The following ABLIM2 variants were observed in gnomAD, a reference collection of about 807,000 sequenced individuals.
ABLIM2 encodes actin binding LIM protein family member 2.
A neutral mutation model predicts 97.7 loss-of-function variants in ABLIM2; 53 were observed. The ratio of observed to expected loss-of-function variants is 0.54; its 90% CI spans 0.44 to 0.68. The LOEUF is 0.68. Ranked by LOEUF, ABLIM2 falls within the 30% of genes least tolerant of loss-of-function variation. The pLI, the probability that ABLIM2 is intolerant of heterozygous loss-of-function variation, is 0.00. For synonymous variants in ABLIM2, 361 were observed against 345.8 expected, an observed-to-expected ratio of 1.04 and a Z score of -0.49; for missense variants, 835 against 867.2, an observed-to-expected ratio of 0.96 and a Z score of 0.47.
chr4:8,017,054 T>C (rs2150763137), intron 14 of ABLIM2, among the ~76,000 whole-genome samples: 1 of 152,326 alleles, frequency 6.6e-6, no homozygotes, highest in East Asian at 1.9e-4. Context: ...TTTAATACCA[T>C]GAGTGACCCT....
chr4:8,114,278 C>A (rs1222077505), intron 1 of ABLIM2, among the ~76,000 whole-genome samples: 6 of 152,192 alleles, frequency 3.9e-5, no homozygotes, highest in Admixed American at 2.0e-4. Context: ...ACCATGGGGC[C>A]ACACACACCC....
intron 1 of ABLIM2, among the ~76,000 whole-genome samples, chr4:8,157,228 C>T (rs1715656525): frequency 6.6e-6 from 1 of 152,022 alleles, no homozygotes; most frequent in Admixed American, 6.5e-5. Flanking sequence ...AGGAGAGATG[C>T]CAGCACTGCT....
At chr4:8,052,893 G>A (rs903515898) in intron 8 of ABLIM2, among the ~76,000 whole-genome samples, 1 of 152,222 alleles carries the variant, frequency 6.6e-6, no homozygotes, top group African/African-American at 2.4e-5. Flanking sequence ...TGGTGGAATG[G>A]ATGAGGTCTA....
intron 1 of ABLIM2, among the ~76,000 whole-genome samples, chr4:8,142,099 C>A (rs1358806099): frequency 6.6e-6 from 1 of 152,222 alleles, no homozygotes; most frequent in Non-Finnish European, 1.5e-5. Flanking sequence ...TGTCCTGAGT[C>A]AGGTGGCACC....
chr4:8,116,391 A>G (rs937989267), intron 1 of ABLIM2, among the ~76,000 whole-genome samples: 12 of 151,870 alleles, frequency 7.9e-5, no homozygotes, highest in African/African-American at 4.8e-5. Context: ...AAGGCTGGCC[A>G]CCTCCTCCTC....
At chr4:8,144,038 C>T (rs1851417997) in intron 1 of ABLIM2, among the ~76,000 whole-genome samples, 1 of 152,184 alleles carries the variant, frequency 6.6e-6, no homozygotes, top group African/African-American at 2.4e-5. Flanking sequence ...TTGGGGACTT[C>T]CCAGGTCAAT....
chr4:8,061,085 T>C lies in ABLIM2; in HGVS notation c.676-31A>G. The C allele has an allele frequency of 6.4e-7, 1 of 1,557,154 alleles. No homozygotes were observed. The highest frequency in any genetic ancestry group is 8.7e-7 in the Non-Finnish European group (1 of 1,149,018). On this transcript the variant is annotated intron_variant, in intron 6 of 20. Transcript: ENST00000447017. This position sits in a 1 kb window ranked among gnomAD's most constrained non-coding sequence, Gnocchi z 4.5. Reference sequence around the variant, plus strand: ...AGAAAAGCACAAAGCAGAATGTTTCTACTAAAGCCAGAAAGGTCGGCTGGG... The same window carrying C: ...AGAAAAGCACAAAGCAGAATGTTTCCACTAAAGCCAGAAAGGTCGGCTGGG...
At chr4:7,985,581 C>G (rs1743216763) in intron 17 of ABLIM2, among the ~76,000 whole-genome samples, 1 of 152,172 alleles carries the variant, frequency 6.6e-6, no homozygotes, top group Non-Finnish European at 1.5e-5. Flanking sequence ...CCCTGGAAAC[C>G]GTGGTACTCA....
chr4:8,034,587 T>G (rs1047459427), intron 10 of ABLIM2, among the ~76,000 whole-genome samples: 3 of 7,902 alleles, frequency 3.8e-4, no homozygotes, highest in African/African-American at 6.1e-4. Flanking sequence ...TGGGTGGGTG[T>G]GTGGTAGGTG....
At chr4:8,014,924 C>CTT (rs72140876) in intron 14 of ABLIM2, among the ~76,000 whole-genome samples, 1 of 141,268 alleles carries the variant, frequency 7.1e-6, no homozygotes, top group Non-Finnish European at 1.5e-5. Context: ...TCCTTTCTTT[C>CTT]TTTTTTTTTT....
intron 14 of ABLIM2, among the ~76,000 whole-genome samples, chr4:8,018,503 G>C (rs565046761): frequency 6.6e-6 from 1 of 152,330 alleles, no homozygotes; most frequent in South Asian, 2.1e-4. Context: ...TGGTGGAAAG[G>C]CAATGGTAGA....
chr4:8,046,131 C>T lies in ABLIM2; in HGVS notation c.823-890G>A, dbSNP rs1182312835. On this transcript the variant is annotated intron_variant, in intron 8 of 20. Coordinates refer to ENST00000447017, the MANE Select transcript of ABLIM2 (RefSeq NM_001130083.2). This position sits in a 1 kb window ranked among gnomAD's most constrained non-coding sequence, Gnocchi z 4.4. ...TGCTGTCACGCCTGGGACCTGTGTCCTCCTTACATGCTCGCTGCTGTCTGG... is the reference window on the plus strand; with the variant it reads ...TGCTGTCACGCCTGGGACCTGTGTCTTCCTTACATGCTCGCTGCTGTCTGG... Among the ~76,000 whole-genome samples the T allele has an allele frequency of 1.3e-5, 2 of 152,152 alleles. No homozygotes were observed. Among genetic ancestry groups the T allele is most frequent in the African/African-American group, 2.4e-5 (1 of 41,434 alleles).
chr4:8,065,037 G>T (rs1806113983), intron 6 of ABLIM2, among the ~76,000 whole-genome samples: 1 of 152,138 alleles, frequency 6.6e-6, no homozygotes, highest in South Asian at 2.1e-4. Flanking sequence ...ATCACTTGAG[G>T]CCAGGAGTTC....
intron 14 of ABLIM2, among the ~76,000 whole-genome samples, chr4:8,017,372 C>T (rs761409646): frequency 6.0e-4 from 91 of 151,966 alleles, no homozygotes; most frequent in Non-Finnish European, 4.3e-4. Flanking sequence ...CTGCAACTTC[C>T]GCCTCCTGGG....
rs1241099627 is a variant in ABLIM2, at chr4:8,044,843, A to G, written c.900+321T>C. ...CCCGCCTGGGTGTCTGGCAAGCCCC[A>G]ACTGTCGGCTGTTGATGTGACGTGT... On this transcript the variant is annotated intron_variant, in intron 9 of 20. Coordinates refer to ENST00000447017, the MANE Select transcript of ABLIM2 (RefSeq NM_001130083.2). This position sits in a 1 kb window ranked among gnomAD's most constrained non-coding sequence, Gnocchi z 4.4. 6.6e-6 allele frequency among the ~76,000 whole-genome samples: 1 copy of G among 152,180 alleles called. No individual in the cohort carries two copies. Among genetic ancestry groups the G allele is most frequent in the African/African-American group, 2.4e-5 (1 of 41,442 alleles).
chr4:8,069,488 G>A lies in ABLIM2; in HGVS notation c.675+8140C>T, dbSNP rs929698026. Among the ~76,000 whole-genome samples, 1 of 152,226 alleles carries A rather than the reference G, an allele frequency of 6.6e-6. No homozygotes were observed. Among genetic ancestry groups the A allele is most frequent in the South Asian group, 2.1e-4 (1 of 4,830 alleles). ...ACGACAGGCCAGCGTGGAAGGGTAGGACCAGGGGCTCTGATGCGCTGCCGG... is the reference window on the plus strand; with the variant it reads ...ACGACAGGCCAGCGTGGAAGGGTAGAACCAGGGGCTCTGATGCGCTGCCGG... On this transcript the variant is annotated intron_variant, in intron 6 of 20. Coordinates refer to ENST00000447017, the MANE Select transcript of ABLIM2 (RefSeq NM_001130083.2). The surrounding 1 kb of genome is among the most constrained non-coding windows in gnomAD (Gnocchi z 4.2).
At chr4:8,055,896 C>T (rs531646297) in intron 7 of ABLIM2, among the ~76,000 whole-genome samples, 5 of 152,074 alleles carry the variant, frequency 3.3e-5, no homozygotes, top group East Asian at 1.9e-4. Context: ...GTGGATCACT[C>T]GAGGTCAGGA....
intron 7 of ABLIM2, among the ~76,000 whole-genome samples, chr4:8,056,810 T>C (rs981934616): frequency 2.0e-5 from 3 of 151,184 alleles, no homozygotes; most frequent in Non-Finnish European, 4.4e-5. Context: ...CGGGCGCCTG[T>C]AGTCCCAGCT....
chr4:8,028,214 G>A lies in ABLIM2; in HGVS notation c.1169-357C>T, dbSNP rs138496007. Reference sequence around the variant, plus strand: ...AGGGAGTGGTCTGCCACCAGACATCGTCACCGGACTCGTCCGGCGAGATGC... The same window carrying A: ...AGGGAGTGGTCTGCCACCAGACATCATCACCGGACTCGTCCGGCGAGATGC... On this transcript the variant is annotated intron_variant, in intron 11 of 20. Transcript: ENST00000447017. 2.0e-4 allele frequency among the ~76,000 whole-genome samples: 31 copies of A among 152,338 alleles called. No homozygotes were observed. In the East Asian group the frequency reaches 5.0e-3, roughly 25 times the overall value.
Sources: gnomAD v4.1 joint callset for allele counts (sites outside exome capture counted in the v4.1 genomes callset) on GRCh38, gnomAD v4.1.1 for gene constraint, Gnocchi (gnomAD v3.1) non-coding constraint, MANE v1.5 for transcripts, NCBI Gene and HGNC (gene_info 2026-07-23, HGNC 2026-07-21) for gene names.